Variants in SOS2 observed in about 807,000 individuals in gnomAD.
The protein encoded by SOS2 is son of sevenless homolog 2.
Under a neutral mutation model 148.2 loss-of-function variants are expected in SOS2, and 65 were observed. That is an observed-to-expected ratio of 0.44 (90% CI 0.36 to 0.54). The LOEUF is 0.54. Ranked by LOEUF, SOS2 falls within the 20% of genes least tolerant of loss-of-function variation. SOS2 has a pLI of 0.00. For synonymous variants in SOS2, 539 were observed against 537.1 expected, an observed-to-expected ratio of 1.00 and a Z score of -0.05; for missense variants, 1,341 against 1,590.2, an observed-to-expected ratio of 0.84 and a Z score of 2.67.
intron 13 of SOS2, among the ~76,000 whole-genome samples, chr14:50,152,410 G>A (rs1468785239): frequency 6.6e-6 from 1 of 152,060 alleles, no homozygotes; most frequent in Non-Finnish European, 1.5e-5. Flanking sequence ...ATCATTAAAA[G>A]AATAAGATTA....
At position 50,189,061 on chromosome 14, in the gene SOS2, TCACACACACA is replaced by T. The variant is rs10599812; in HGVS notation, c.511-371_511-362del. ...GCCTGGGCGACAGAGCGAGACTCCATCACACACACACACACACACACACACACACACACAC... is the reference window on the plus strand; with the variant it reads ...GCCTGGGCGACAGAGCGAGACTCCATCACACACACACACACACACACACAC... On this transcript the variant is annotated intron_variant, in intron 4 of 22. Transcript: ENST00000216373. Among the ~76,000 whole-genome samples, 25 of 128,778 alleles carry T rather than the reference TCACACACACA, an allele frequency of 1.9e-4. No individual in the cohort carries two copies. The East Asian group carries it at 2.2e-3, about 11-fold the overall frequency. The allele number at this position is 128,778 out of a possible 152,430, so 84.5% of individuals were successfully genotyped here.
chr14:50,160,377 A>ATC (rs1827045805), intron 9 of SOS2, among the ~76,000 whole-genome samples: 2 of 111,258 alleles, frequency 1.8e-5, no homozygotes, highest in Non-Finnish European at 3.6e-5. Context: ...AACAATGCTA[A>ATC]TCTTTTTTTT....
At position 50,224,314 on chromosome 14, in the gene SOS2, T is replaced by TATAC. The variant is rs1281779995; in HGVS notation, c.87+6882_87+6883insGTAT. Among the ~76,000 whole-genome samples, 42 of 101,022 alleles carry TATAC rather than the reference T, an allele frequency of 4.2e-4. 1 individual carries two copies. The highest frequency in any genetic ancestry group is 1.7e-3 in the African/African-American group (39 of 23,116). The allele number at this position is 101,022 out of a possible 152,430, so 66.3% of individuals were successfully genotyped here. A position where few individuals can be genotyped will look rare whatever the true frequency, so the allele number is the denominator to read the frequency against. On this transcript the variant is annotated intron_variant, in intron 1 of 22. Coordinates refer to ENST00000216373, the MANE Select transcript of SOS2 (RefSeq NM_006939.4). ...TCAGGAAAAAAAAAAAATATATATA[T>TATAC]ACACACACACACACACACACACACA...
At chr14:50,139,323 A>G (rs1186391157) in intron 17 of SOS2, among the ~76,000 whole-genome samples, 1 of 152,186 alleles carries the variant, frequency 6.6e-6, no homozygotes, top group African/African-American at 2.4e-5. Context: ...TTGCTGATTC[A>G]TTTAAATTGG....
chr14:50,188,303 G>A (rs1885991210), intron 5 of SOS2, among the ~76,000 whole-genome samples, 194 bp downstream of exon 5: 1 of 152,116 alleles, frequency 6.6e-6, no homozygotes. Flanking sequence ...TACTCAGGAG[G>A]CTGAGGCAGG....
At chr14:50,188,452 G>A in intron 5 of SOS2, 45 bp downstream of exon 5, 6 of 1,255,130 alleles carry the variant, frequency 4.8e-6, no homozygotes, top group Non-Finnish European at 6.9e-6. Flanking sequence ...AAGCTGGTCT[G>A]GTTTTTTGGG....
chr14:50,133,074 G>GT (rs1883939310), intron 19 of SOS2, among the ~76,000 whole-genome samples: 1 of 151,938 alleles, frequency 6.6e-6, no homozygotes, highest in African/African-American at 2.4e-5. Flanking sequence ...AGGATCTTTA[G>GT]TTTTTTAGGG....
At chr14:50,155,053 T>C (rs1884771543) in intron 12 of SOS2, among the ~76,000 whole-genome samples, 1 of 151,886 alleles carries the variant, frequency 6.6e-6, no homozygotes, top group Admixed American at 6.6e-5. Context: ...ACTTCAAAAT[T>C]CATACAAAAA....
Position 50,134,168 on chromosome 14 carries a change from CTTG to C in SOS2, c.3027_3029del (p.Asn1009del). 6.2e-7 allele frequency: 1 copy of C among 1,608,992 alleles called. No homozygotes were observed. The highest frequency in any genetic ancestry group is 8.5e-7 in the Non-Finnish European group (1 of 1,175,946). On this transcript the variant is annotated inframe_deletion, in exon 19 of 23. Coordinates refer to ENST00000216373, the MANE Select transcript of SOS2 (RefSeq NM_006939.4). The stretch of plus-strand genomic sequence containing the variant: ...AGTTTCGAGGTTCAATTTCTAGTGA[CTTG>C]TTGAACAAATAATCTGTAAACTCTT...
At chr14:50,167,855 G>C (rs1022645138) in intron 8 of SOS2, among the ~76,000 whole-genome samples, 2 of 150,674 alleles carry the variant, frequency 1.3e-5, no homozygotes, top group Non-Finnish European at 2.9e-5. Flanking sequence ...GCGATACAGT[G>C]AGACTCTGTC....
chr14:50,163,957 G>C (rs184523923), intron 8 of SOS2, among the ~76,000 whole-genome samples: 2 of 152,260 alleles, frequency 1.3e-5, no homozygotes, highest in East Asian at 3.9e-4. Flanking sequence ...GAACAAAATT[G>C]AGGATATTTA....
At chr14:50,154,255 T>A (rs1349924583) in intron 12 of SOS2, among the ~76,000 whole-genome samples, 1 of 152,156 alleles carries the variant, frequency 6.6e-6, no homozygotes, top group African/African-American at 2.4e-5. Context: ...GACAAGTATC[T>A]CAACAAAAAT....
intron 7 of SOS2, among the ~76,000 whole-genome samples, chr14:50,177,801 T>C (rs561198211): frequency 2.6e-5 from 4 of 152,192 alleles, no homozygotes; most frequent in African/African-American, 7.2e-5. Flanking sequence ...AGGGAGAAGA[T>C]GGTAAGTTCA....
In SOS2 at chr14:50,188,628, C is replaced by T. The variant is rs1886004857; in HGVS notation, c.583G>A (p.Gly195Ser). The T allele has an allele frequency of 3.7e-6, 6 of 1,609,930 alleles. No homozygotes were observed. The highest frequency in any genetic ancestry group is 5.1e-6 in the Non-Finnish European group (6 of 1,177,308). Reference sequence around the variant, plus strand: ...ACAAGATCATAGTAGTTTAATTCACCAGAAGAACTAGGTTCATCTTCACAG... The same window carrying T: ...ACAAGATCATAGTAGTTTAATTCACTAGAAGAACTAGGTTCATCTTCACAG... ...SLCEDEPSSSGELNYYDLVRT... is the reference protein window; with the variant it reads ...SLCEDEPSSSSELNYYDLVRT... The change falls in exon 5 of 23, where the codon GGT (glycine) becomes AGT (serine). Residue 195 changes from glycine (G) to serine (S), a missense_variant. Physicochemically the swap from Gly to Ser is moderately conservative, Grantham distance 56 (BLOSUM62 0). Around this residue, in one of 4 missense-constraint regions of SOS2, gnomAD observed 574 missense variants for 711.1 expected, o/e 0.81. Coordinates refer to ENST00000216373, the MANE Select transcript of SOS2 (RefSeq NM_006939.4).
chr14:50,154,833 G>T (rs1031399454), intron 12 of SOS2, among the ~76,000 whole-genome samples: 3 of 152,202 alleles, frequency 2.0e-5, no homozygotes, highest in Admixed American at 1.3e-4. Context: ...TTTCTGGGGT[G>T]TAGTAACATT....
At chr14:50,182,166 T>C (rs957922658) in intron 6 of SOS2, among the ~76,000 whole-genome samples, 4 of 152,108 alleles carry the variant, frequency 2.6e-5, no homozygotes, top group Non-Finnish European at 5.9e-5. Flanking sequence ...TAATGGCCAG[T>C]GGTATCTTCT....
intron 19 of SOS2, 110 bp downstream of exon 19, chr14:50,134,013 A>G: frequency 1.4e-6 from 1 of 718,142 alleles, no homozygotes; most frequent in Non-Finnish European, 2.5e-6. Context: ...TGCAAACAAA[A>G]CACCTAGGAA....
intron 12 of SOS2, among the ~76,000 whole-genome samples, chr14:50,154,190 C>T (rs1393179639): frequency 2.6e-5 from 4 of 152,082 alleles, no homozygotes; most frequent in African/African-American, 9.7e-5. Flanking sequence ...GTTTATCTGA[C>T]AAAGGACTGG....
At chr14:50,215,514 G>A (rs776677015) in intron 1 of SOS2, 18 of 1,218,728 alleles carry the variant, frequency 1.5e-5, no homozygotes, top group African/African-American at 3.2e-5. Flanking sequence ...CAGAAAAAGA[G>A]CAATTAAAAT....
Sources: gnomAD v4.1 joint callset for allele counts (sites outside exome capture counted in the v4.1 genomes callset) on GRCh38, gnomAD v4.1.1 for gene constraint, gnomAD v4.1.1 regional missense constraint, MANE v1.5 for transcripts, NCBI Gene and HGNC (gene_info 2026-07-23, HGNC 2026-07-21) for gene names.